The following LSAMP variants were observed in gnomAD, a reference collection of about 807,000 sequenced individuals.
The protein encoded by LSAMP is limbic system associated membrane protein.
Under a neutral mutation model 38.6 loss-of-function variants are expected in LSAMP, and 7 were observed. The ratio of observed to expected loss-of-function variants is 0.18; its 90% CI spans 0.10 to 0.34. The LOEUF (loss-of-function observed/expected upper bound fraction) is 0.34. Among genes scored for constraint, LSAMP ranks in the 10% least tolerant of loss-of-function variants. The probability of loss-of-function intolerance (pLI) is 1.00; values close to 1 mark genes in which losing one functional copy is unlikely to be tolerated. For synonymous variants in LSAMP, 154 were observed against 166.8 expected, an observed-to-expected ratio of 0.92 and a Z score of 0.59; for missense variants, 313 against 420.0, an observed-to-expected ratio of 0.75 and a Z score of 2.23.
chr3:116,427,288 T>G (rs1487051331), intron 1 of LSAMP, among the ~76,000 whole-genome samples: 3 of 150,770 alleles, frequency 2.0e-5, no homozygotes, highest in Admixed American at 6.6e-5. Flanking sequence ...GCCCGGCTAA[T>G]TTTTTGTATT....
chr3:116,284,338 A>G (rs529322299), intron 1 of LSAMP, among the ~76,000 whole-genome samples: 49 of 152,326 alleles, frequency 3.2e-4, no homozygotes, highest in South Asian at 6.2e-4. Flanking sequence ...AATCTCACAC[A>G]TCTATCATTA....
intron 1 of LSAMP, among the ~76,000 whole-genome samples, chr3:116,424,405 A>G (rs964863733): frequency 3.3e-5 from 5 of 152,232 alleles, no homozygotes; most frequent in Admixed American, 2.6e-4. Flanking sequence ...AGTTAGTGAC[A>G]AAACACAAAC....
intron 3 of LSAMP, among the ~76,000 whole-genome samples, chr3:115,994,930 A>T (rs1416870247): frequency 3.9e-5 from 6 of 152,008 alleles, no homozygotes; most frequent in Admixed American, 3.9e-4. Context: ...TCTGAAAGAG[A>T]TGTGTCAAGT....
intron 6 of LSAMP, among the ~76,000 whole-genome samples, chr3:115,815,069 C>A (rs961139348): frequency 6.6e-6 from 1 of 152,048 alleles, no homozygotes; most frequent in Non-Finnish European, 1.5e-5. Flanking sequence ...ATACGGTAGT[C>A]CCCCCTTATC....
At chr3:116,078,210 T>C (rs1707788848) in intron 2 of LSAMP, among the ~76,000 whole-genome samples, 1 of 152,068 alleles carries the variant, frequency 6.6e-6, no homozygotes, top group Non-Finnish European at 1.5e-5. Flanking sequence ...TGCCAAATAA[T>C]ATTTTTAAAA....
intron 3 of LSAMP, among the ~76,000 whole-genome samples, chr3:115,854,010 T>G (rs915517712): frequency 6.6e-6 from 1 of 152,238 alleles, no homozygotes; most frequent in Middle Eastern, 3.4e-3. Flanking sequence ...TAACTAGGCT[T>G]CCGACAGAAC....
At chr3:115,904,114 A>C (rs989556338) in intron 3 of LSAMP, among the ~76,000 whole-genome samples, 4 of 152,158 alleles carry the variant, frequency 2.6e-5, no homozygotes, top group African/African-American at 9.7e-5. Context: ...CGGTAGTCAA[A>C]AAAAGTGAAG....
chr3:116,193,754 C>A (rs1214452015), intron 1 of LSAMP, among the ~76,000 whole-genome samples: 1 of 152,122 alleles, frequency 6.6e-6, no homozygotes, highest in African/African-American at 2.4e-5. Context: ...TCCCACCCTT[C>A]CACCCATACT....
intron 1 of LSAMP, among the ~76,000 whole-genome samples, chr3:116,180,386 T>G (rs1710457223): frequency 6.6e-6 from 1 of 151,938 alleles, no homozygotes; most frequent in Non-Finnish European, 1.5e-5. Context: ...TTTTTTTTTT[T>G]TTATCATTTT....
In LSAMP at chr3:116,445,041, G is replaced by A. The variant is rs775568809; in HGVS notation, c.-10C>T. The A allele has an allele frequency of 5.0e-6, 8 of 1,607,388 alleles. No individual in the cohort carries two copies. The highest frequency in any genetic ancestry group is 4.0e-5 in the African/African-American group (3 of 74,834). On this transcript the variant is annotated 5_prime_UTR_variant, in exon 1 of 7. Transcript: ENST00000490035. The stretch of plus-strand genomic sequence containing the variant: ...GAACTCTCCTGACCATGGTGGCCAC[G>A]CCGAGGTGCGGGTCCGCGGGGTGCT...
At chr3:116,138,347 A>C (rs917487963) in intron 1 of LSAMP, among the ~76,000 whole-genome samples, 1 of 152,136 alleles carries the variant, frequency 6.6e-6, no homozygotes, top group Non-Finnish European at 1.5e-5. Flanking sequence ...CTCTCAGTCA[A>C]TTGTGGATAT....
At chr3:116,234,532 A>T (rs1467344868) in intron 1 of LSAMP, among the ~76,000 whole-genome samples, 1 of 152,120 alleles carries the variant, frequency 6.6e-6, no homozygotes, top group East Asian at 1.9e-4. Flanking sequence ...TTACCACCAA[A>T]AGAAAATTAC....
intron 1 of LSAMP, among the ~76,000 whole-genome samples, chr3:116,195,789 G>A (rs1710870094): frequency 6.6e-6 from 1 of 151,108 alleles, no homozygotes; most frequent in Non-Finnish European, 1.5e-5. Flanking sequence ...TTCATAGATC[G>A]ATTATGTTGG....
intron 1 of LSAMP, among the ~76,000 whole-genome samples, chr3:116,221,344 C>T (rs1206235803): frequency 6.6e-6 from 1 of 152,092 alleles, no homozygotes; most frequent in Non-Finnish European, 1.5e-5. Flanking sequence ...CAAGTTAACA[C>T]ACATGATGAA....
chr3:116,198,798 C>G (rs1378038815), intron 1 of LSAMP, among the ~76,000 whole-genome samples: 7 of 105,070 alleles, frequency 6.7e-5, no homozygotes, highest in South Asian at 3.3e-4. Flanking sequence ...CAGAACTGGA[C>G]TGGGCGCAGC....
intron 3 of LSAMP, among the ~76,000 whole-genome samples, chr3:115,882,720 G>A (rs573599587): frequency 2.0e-5 from 3 of 152,026 alleles, no homozygotes; most frequent in Admixed American, 1.3e-4. Context: ...TACTTTACTG[G>A]ATAATGCATT....
intron 1 of LSAMP, among the ~76,000 whole-genome samples, chr3:116,295,357 G>C (rs748734121): frequency 6.6e-6 from 1 of 152,072 alleles, no homozygotes; most frequent in Non-Finnish European, 1.5e-5. Context: ...TTTCAATATC[G>C]GGTGACATTC....
intron 3 of LSAMP, among the ~76,000 whole-genome samples, chr3:115,957,993 T>TA (rs1466133390): frequency 1.3e-5 from 2 of 152,130 alleles, no homozygotes; most frequent in South Asian, 2.1e-4. Context: ...AAAGGGGATA[T>TA]AAAAAATCCC....
intron 2 of LSAMP, among the ~76,000 whole-genome samples, chr3:116,076,407 G>A (rs1420229558): frequency 6.6e-6 from 1 of 151,994 alleles, no homozygotes; most frequent in African/African-American, 2.4e-5. Flanking sequence ...ATAGGAGCCC[G>A]CCACCACGCC....
Sources: gnomAD v4.1 joint callset for allele counts (sites outside exome capture counted in the v4.1 genomes callset) on GRCh38, gnomAD v4.1.1 for gene constraint, MANE v1.5 for transcripts, NCBI Gene and HGNC (gene_info 2026-07-23, HGNC 2026-07-21) for gene names.